Variants in CHRM3 observed in about 807,000 individuals in gnomAD.
The protein encoded by CHRM3 is cholinergic receptor muscarinic 3.
A neutral mutation model predicts 41.8 loss-of-function variants in CHRM3; 11 were observed. That is an observed-to-expected ratio of 0.26 (90% confidence interval 0.17 to 0.44). The LOEUF is 0.44. Ranked by LOEUF, CHRM3 falls within the 20% of genes least tolerant of loss-of-function variation. CHRM3 has a pLI of 1.00. For missense variants in CHRM3, 571 were observed against 745.4 expected (o/e 0.77, Z 2.72); for synonymous variants, 297 against 301.4 (o/e 0.99, Z 0.15).
At chr1:239,851,474 T>C (rs1674691261) in intron 6 of CHRM3, among the ~76,000 whole-genome samples, 1 of 152,208 alleles carries the variant, frequency 6.6e-6, no homozygotes, top group Non-Finnish European at 1.5e-5. Context: ...GCCCAGTGTT[T>C]ATCACCCTCA....
intron 6 of CHRM3, among the ~76,000 whole-genome samples, chr1:239,889,568 T>C (rs1678373673): frequency 6.6e-6 from 1 of 152,204 alleles, no homozygotes; most frequent in Non-Finnish European, 1.5e-5. Flanking sequence ...AAATGATTTC[T>C]TGGGCCGCTT....
intron 1 of CHRM3, among the ~76,000 whole-genome samples, chr1:239,477,718 G>A (rs1193977883): frequency 6.6e-6 from 1 of 152,106 alleles, no homozygotes; most frequent in Non-Finnish European, 1.5e-5. Flanking sequence ...CGAGGGCATG[G>A]GTGAAAATCT....
chr1:239,502,003 A>G (rs1241815622), intron 2 of CHRM3, among the ~76,000 whole-genome samples: 1 of 152,140 alleles, frequency 6.6e-6, no homozygotes, highest in South Asian at 2.1e-4. Flanking sequence ...CATTCTAAGG[A>G]CACATCTCAG....
intron 6 of CHRM3, among the ~76,000 whole-genome samples, chr1:239,834,569 G>A (rs769313910): frequency 1.9e-4 from 29 of 152,084 alleles, no homozygotes; most frequent in Non-Finnish European, 3.7e-4. Context: ...AGTTCATACA[G>A]TCCCCACTAA....
At chr1:239,860,986 A>G (rs1445947887) in intron 6 of CHRM3, among the ~76,000 whole-genome samples, 1 of 152,200 alleles carries the variant, frequency 6.6e-6, no homozygotes, top group Admixed American at 6.5e-5. Context: ...TAAAAAAATT[A>G]AAGACCAAAG....
Position 239,909,427 on chromosome 1 carries a change from A to G in CHRM3, c.*203A>G, listed in dbSNP as rs1456713894. Reference sequence around the variant, plus strand: ...AATACCAATTCAGCAAAAAGAAAAAAAAAACATACTACTGAATATAAAGAA... The same window carrying G: ...AATACCAATTCAGCAAAAAGAAAAAGAAAACATACTACTGAATATAAAGAA... On this transcript the variant is annotated 3_prime_UTR_variant, in exon 7 of 7. Coordinates refer to ENST00000676153, the MANE Select transcript of CHRM3 (RefSeq NM_001375978.1). The G allele has an allele frequency of 2.0e-6, 1 of 499,058 alleles. No individual in the cohort carries two copies. Among genetic ancestry groups the G allele is most frequent in the Non-Finnish European group, 3.6e-6 (1 of 279,166 alleles). The allele number at this position is 499,058 out of a possible 1,614,324, so 30.9% of individuals were successfully genotyped here. A position where few individuals can be genotyped will look rare whatever the true frequency, so the allele number is the denominator to read the frequency against.
intron 6 of CHRM3, among the ~76,000 whole-genome samples, chr1:239,860,714 C>T (rs1034513679): frequency 1.3e-5 from 2 of 152,136 alleles, no homozygotes; most frequent in East Asian, 1.9e-4. Context: ...CTTGTGGTGT[C>T]GTGTCATGTC....
At position 239,748,948 on chromosome 1, in the gene CHRM3, G is replaced by A. The variant is rs116780141; in HGVS notation, c.-147+70660G>A. The stretch of plus-strand genomic sequence containing the variant: ...GCAGTTCTTTGCAAATGGGTGCTGC[G>A]TGAGTATCAGTACTGAAATGCTCAG... On this transcript the variant is annotated intron_variant, in intron 5 of 6. Transcript: ENST00000676153. The surrounding 1 kb of genome is among the most constrained non-coding windows in gnomAD (Gnocchi z 4.3). Among the ~76,000 whole-genome samples, 1,459 of 152,240 alleles carry A rather than the reference G, an allele frequency of 9.6e-3. 19 individuals carry two copies. The highest frequency in any genetic ancestry group is 0.033 in the African/African-American group (1,386 of 41,526).
chr1:239,558,598 T>G (rs1313550526), intron 3 of CHRM3, among the ~76,000 whole-genome samples: 1 of 152,206 alleles, frequency 6.6e-6, no homozygotes, highest in Non-Finnish European at 1.5e-5. Context: ...TTCAAGAATA[T>G]TTAATTGAAT....
At chr1:239,486,504 A>G (rs1667190738) in intron 1 of CHRM3, among the ~76,000 whole-genome samples, 1 of 152,212 alleles carries the variant, frequency 6.6e-6, no homozygotes, top group Non-Finnish European at 1.5e-5. Context: ...TCATGACACA[A>G]TTTAGAACCA....
intron 1 of CHRM3, among the ~76,000 whole-genome samples, chr1:239,402,557 G>C (rs1467381872): frequency 6.6e-6 from 1 of 152,082 alleles, no homozygotes; most frequent in Non-Finnish European, 1.5e-5. Context: ...AGCCACATCA[G>C]CCTGCTTGTG....
chr1:239,781,264 T>A (rs1353084818), intron 5 of CHRM3, among the ~76,000 whole-genome samples: 20 of 152,184 alleles, frequency 1.3e-4, no homozygotes, highest in Admixed American at 1.3e-3. Flanking sequence ...ATTTATTTAG[T>A]TCTTCTTTGA....
intron 6 of CHRM3, among the ~76,000 whole-genome samples, chr1:239,834,769 T>C (rs916915249): frequency 1.3e-5 from 2 of 152,218 alleles, no homozygotes; most frequent in East Asian, 3.9e-4. Flanking sequence ...CTCCACCAAC[T>C]AGGTTGAAAA....
chr1:239,816,933 A>G (rs1385938411), intron 5 of CHRM3, among the ~76,000 whole-genome samples: 1 of 151,990 alleles, frequency 6.6e-6, no homozygotes, highest in African/African-American at 2.4e-5. Flanking sequence ...GGGTTTCACC[A>G]TGTTGACCAG....
chr1:239,832,656 G>A (rs980486205), intron 6 of CHRM3, among the ~76,000 whole-genome samples: 3 of 151,814 alleles, frequency 2.0e-5, no homozygotes, highest in Non-Finnish European at 4.4e-5. Flanking sequence ...ACAGAGTAAC[G>A]CATTTCCGAG....
chr1:239,812,289 C>T (rs897067761), intron 5 of CHRM3, among the ~76,000 whole-genome samples: 1 of 152,216 alleles, frequency 6.6e-6, no homozygotes, highest in Non-Finnish European at 1.5e-5. Context: ...ATCCTCTGGC[C>T]TTGGCCTCCC....
intron 5 of CHRM3, among the ~76,000 whole-genome samples, chr1:239,766,201 C>T (rs1186270399): frequency 3.3e-5 from 5 of 152,040 alleles, no homozygotes; most frequent in East Asian, 1.9e-4. Context: ...ACTGAAGCCC[C>T]GAGGGCTTAT....
chr1:239,540,017 T>C (rs1440612138), intron 2 of CHRM3, among the ~76,000 whole-genome samples: 1 of 152,178 alleles, frequency 6.6e-6, no homozygotes, highest in Non-Finnish European at 1.5e-5. Context: ...TACAGTAATG[T>C]GCTGTATAGA....
Position 239,758,555 on chromosome 1 carries a change from C to T in CHRM3, c.-146-68697C>T, listed in dbSNP as rs9661703. On this transcript the variant is annotated intron_variant, in intron 5 of 6. Coordinates refer to ENST00000676153, the MANE Select transcript of CHRM3 (RefSeq NM_001375978.1). ...TGTAAATGATTCCAAATGTATCCAA[C>T]ATTTTGGGAGTTTTCTTCATGCTTT... Among the ~76,000 whole-genome samples, 478 of 152,232 alleles carry T rather than the reference C, an allele frequency of 3.1e-3. 3 individuals are homozygous for T. The highest frequency in any genetic ancestry group is 0.011 in the African/African-American group (448 of 41,538).
Sources: allele counts gnomAD v4.1 joint callset (sites outside exome capture counted in the v4.1 genomes callset), GRCh38; gene constraint gnomAD v4.1.1; non-coding constraint Gnocchi (gnomAD v3.1); transcripts MANE v1.5; gene names NCBI Gene and HGNC (gene_info 2026-07-23, HGNC 2026-07-21).